The following HSD17B12 variants were observed in gnomAD, a reference collection of about 807,000 sequenced individuals.
HSD17B12 encodes the protein very-long-chain 3-oxoacyl-CoA reductase.
A neutral mutation model predicts 39.3 loss-of-function variants in HSD17B12; 32 were observed. That is an observed-to-expected ratio of 0.81 (90% CI 0.61 to 1.09). The LOEUF (loss-of-function observed/expected upper bound fraction) is 1.09, where lower values mean the gene tolerates loss of function less well. Among genes scored for constraint, HSD17B12 ranks in the 50% least tolerant of loss-of-function variants. The probability of loss-of-function intolerance (pLI) is 0.00; values close to 1 mark genes in which losing one functional copy is unlikely to be tolerated. For synonymous variants in HSD17B12, 150 were observed against 146.7 expected, an observed-to-expected ratio of 1.02 and a Z score of -0.16; for missense variants, 342 against 382.9, an observed-to-expected ratio of 0.89 and a Z score of 0.89.
intron 1 of HSD17B12, among the ~76,000 whole-genome samples, chr11:43,736,601 A>G (rs532424678): frequency 6.6e-6 from 1 of 152,350 alleles, no homozygotes; most frequent in African/African-American, 2.4e-5. Context: ...AAATGCCCAC[A>G]ATATCTGGGT....
At chr11:43,641,427 C>T in the HSD17B12 span, among the ~76,000 whole-genome samples, 17 of 151,876 alleles carry the variant, frequency 1.1e-4, no homozygotes, top group African/African-American at 4.1e-4. Context: ...TATTCCTAAA[C>T]ACAGATGTAA....
the HSD17B12 span, among the ~76,000 whole-genome samples, chr11:43,615,400 G>T: frequency 6.6e-6 from 1 of 152,260 alleles, no homozygotes; most frequent in African/African-American, 2.4e-5. Context: ...ACAATTTAGT[G>T]TTCAGCTAAA....
At chr11:43,566,139 A>G in the HSD17B12 span, among the ~76,000 whole-genome samples, 2 of 152,248 alleles carry the variant, frequency 1.3e-5, no homozygotes, top group Admixed American at 6.5e-5. Context: ...TAGAAATTGT[A>G]ATAGGGACTG....
chr11:43,659,197 G>A, the HSD17B12 span, among the ~76,000 whole-genome samples: 33 of 152,256 alleles, frequency 2.2e-4, no homozygotes, highest in African/African-American at 7.7e-4. Flanking sequence ...TGAGCCATGT[G>A]CGGGATATAA....
At chr11:43,650,252 T>G in the HSD17B12 span, among the ~76,000 whole-genome samples, 1 of 152,120 alleles carries the variant, frequency 6.6e-6, no homozygotes, top group Non-Finnish European at 1.5e-5. Flanking sequence ...GTTTTGTTTG[T>G]TTTTCAAATG....
At chr11:43,768,337 T>C (rs1950615827) in intron 3 of HSD17B12, among the ~76,000 whole-genome samples, 1 of 152,218 alleles carries the variant, frequency 6.6e-6, no homozygotes, top group Non-Finnish European at 1.5e-5. Flanking sequence ...TTTTTCCTTT[T>C]TAAGACATAG....
chr11:43,849,306 C>CAAAA (rs1339196717), intron 9 of HSD17B12, among the ~76,000 whole-genome samples: 1 of 141,914 alleles, frequency 7.0e-6, no homozygotes, highest in East Asian at 1.9e-4. Flanking sequence ...CTATCTCAAA[C>CAAAA]AAAACAAAAC....
intron 4 of HSD17B12, among the ~76,000 whole-genome samples, chr11:43,804,039 G>GAGTA (rs755351107): frequency 6.6e-6 from 1 of 152,184 alleles, no homozygotes. Flanking sequence ...AAGGCCAAAA[G>GAGTA]AGTAGGCTTG....
chr11:43,617,847 T>C, the HSD17B12 span, among the ~76,000 whole-genome samples: 1 of 152,318 alleles, frequency 6.6e-6, no homozygotes, highest in East Asian at 1.9e-4. Context: ...GTCTGTTCCC[T>C]CTACCGTCTG....
the HSD17B12 span, among the ~76,000 whole-genome samples, chr11:43,671,520 C>T: frequency 5.8e-3 from 880 of 152,292 alleles, 4 homozygotes; most frequent in Non-Finnish European, 9.2e-3. Context: ...TACCATGGCA[C>T]TAATTCCTTT....
At chr11:43,609,874 A>T in the HSD17B12 span, among the ~76,000 whole-genome samples, 2 of 152,188 alleles carry the variant, frequency 1.3e-5, no homozygotes, top group African/African-American at 4.8e-5. Context: ...GTTTGATGTG[A>T]TCCTCATTAG....
the HSD17B12 span, among the ~76,000 whole-genome samples, chr11:43,567,755 A>C: frequency 6.6e-6 from 1 of 152,158 alleles, no homozygotes; most frequent in African/African-American, 2.4e-5. Context: ...AATTTCATCT[A>C]ATGTTTTGGG....
intron 3 of HSD17B12, among the ~76,000 whole-genome samples, chr11:43,783,797 T>TA (rs35868918): frequency 0.046 from 7,074 of 152,244 alleles, 237 homozygotes; most frequent in Middle Eastern, 0.18. Context: ...TATCAATGTT[T>TA]ATCACATTAT....
intron 3 of HSD17B12, among the ~76,000 whole-genome samples, chr11:43,771,412 T>TTATA (rs763455299): frequency 1.1e-4 from 16 of 152,034 alleles, no homozygotes; most frequent in Non-Finnish European, 2.1e-4. Flanking sequence ...CATATATACA[T>TTATA]TATATACATT....
At chr11:43,794,014 T>C (rs772293236) in intron 3 of HSD17B12, among the ~76,000 whole-genome samples, 7 of 152,240 alleles carry the variant, frequency 4.6e-5, no homozygotes, top group Non-Finnish European at 8.8e-5. Flanking sequence ...TCTGCCTCCA[T>C]TTCTAGTTAG....
chr11:43,699,401 T>C (rs1177807761), intron 1 of HSD17B12, among the ~76,000 whole-genome samples: 2 of 152,162 alleles, frequency 1.3e-5, no homozygotes, highest in Non-Finnish European at 2.9e-5. Context: ...TGATGAATTA[T>C]GATGTTAATG....
chr11:43,662,377 T>TTGTGTGTGTGTGTGTG, the HSD17B12 span, among the ~76,000 whole-genome samples: 50 of 128,524 alleles, frequency 3.9e-4, no homozygotes, highest in African/African-American at 1.1e-3. Context: ...TTTATTTTAT[T>TTGTGTGTGTGTGTGTG]TGTGTGTGTG....
intron 1 of HSD17B12, among the ~76,000 whole-genome samples, chr11:43,715,896 C>T (rs535654095): frequency 6.6e-6 from 1 of 152,168 alleles, no homozygotes; most frequent in Admixed American, 6.5e-5. Flanking sequence ...TTAAGTCCTC[C>T]TGCTAGGTGA....
In HSD17B12 at chr11:43,855,373, A is replaced by G. The variant is rs887022493; in HGVS notation, c.*125A>G. The stretch of plus-strand genomic sequence containing the variant: ...ATAGTTATTAACATGACTAAATATT[A>G]TCTTAATTAAGAGGAAAATAGAAGT... On this transcript the variant is annotated 3_prime_UTR_variant, in exon 11 of 11. Transcript: ENST00000278353. 7 of 499,954 alleles carry G rather than the reference A, an allele frequency of 1.4e-5. No homozygotes were observed. The highest frequency in any genetic ancestry group is 3.7e-5 in the Admixed American group (1 of 26,884). 31.0% of individuals were successfully genotyped at this position (499,954 alleles called of 1,614,324 possible). A position where few individuals can be genotyped will look rare whatever the true frequency, so the allele number is the denominator to read the frequency against.
Sources: allele counts gnomAD v4.1 joint callset (sites outside exome capture counted in the v4.1 genomes callset), GRCh38; gene constraint gnomAD v4.1.1; transcripts MANE v1.5; gene names NCBI Gene and HGNC (gene_info 2026-07-23, HGNC 2026-07-21).